ETV5: variants seen among roughly 807,000 people sequenced by gnomAD.
The protein encoded by ETV5 is ETS variant transcription factor 5, also known as ETS translocation variant 5.
ETV5 carries 10 observed loss-of-function variants against 70.0 expected under a neutral mutation model. The observed-to-expected ratio is 0.14, with a 90% CI of 0.09 to 0.24. The LOEUF is 0.24. Among genes scored for constraint, ETV5 ranks in the 10% least tolerant of loss-of-function variants. ETV5 has a pLI of 1.00. For missense variants in ETV5, 453 were observed against 651.2 expected, an observed-to-expected ratio of 0.70 and a Z score of 3.31; for synonymous variants, 216 against 242.2, an observed-to-expected ratio of 0.89 and a Z score of 1.01.
At chr3:186,098,593 TG>T (rs979632041) in intron 5 of ETV5, among the ~76,000 whole-genome samples, 12 of 151,514 alleles carry the variant, frequency 7.9e-5, no homozygotes, top group African/African-American at 2.9e-4. Context: ...GATCTAAGGT[TG>T]GAGGGTGAAA....
At chr3:186,108,617 T>C in intron 1 of ETV5, 2 of 1,181,526 alleles carry the variant, frequency 1.7e-6, no homozygotes, top group Non-Finnish European at 2.1e-6. Context: ...CCAGAGACTG[T>C]GAAAGCCTCG....
chr3:186,071,437 C>T (rs1435343697), intron 7 of ETV5, among the ~76,000 whole-genome samples: 1 of 152,208 alleles, frequency 6.6e-6, no homozygotes. Flanking sequence ...GAAGTCCAAC[C>T]TTTACCACTC....
At chr3:186,081,210 A>G (rs750410432) in intron 5 of ETV5, 35 bp from the exon 6 acceptor site, 1 of 1,586,810 alleles carries the variant, frequency 6.3e-7, no homozygotes, top group Non-Finnish European at 8.6e-7. Context: ...GGGAATAGAG[A>G]GAGAACAGCT....
At chr3:186,069,522 A>T (rs549159757) in intron 7 of ETV5, among the ~76,000 whole-genome samples, 117 of 149,978 alleles carry the variant, frequency 7.8e-4, no homozygotes, top group African/African-American at 2.8e-3. Flanking sequence ...TTTTTTTTTA[A>T]AAAAAGTCTA....
intron 7 of ETV5, among the ~76,000 whole-genome samples, chr3:186,074,367 G>T (rs1003223316): frequency 6.6e-6 from 1 of 152,086 alleles, no homozygotes; most frequent in Non-Finnish European, 1.5e-5. Context: ...AGGCCCAAAT[G>T]GTTGTTAGCA....
chr3:186,058,626 TA>T (rs1297600843), intron 9 of ETV5, among the ~76,000 whole-genome samples: 2 of 152,182 alleles, frequency 1.3e-5, no homozygotes, highest in Non-Finnish European at 1.5e-5. Flanking sequence ...GGTGAGCAAT[TA>T]TAATTCCATG....
At chr3:186,053,560 A>T (rs544394218) in intron 11 of ETV5, among the ~76,000 whole-genome samples, 1 of 152,338 alleles carries the variant, frequency 6.6e-6, no homozygotes, top group East Asian at 1.9e-4. Flanking sequence ...GCCAAAAATG[A>T]TCTGATAAGA....
In ETV5 at chr3:186,080,081, G is replaced by C. The variant is rs780967082; in HGVS notation, c.386C>G (p.Ser129Cys). ...NYCAYDRKPPSGFKPLTPPTT... is the reference protein window; with the variant it reads ...NYCAYDRKPPCGFKPLTPPTT... ...AGGAGGGGTTAATGGCTTGAACCCA[G>C]AGGGAGGCTTCCTATCATAGGCACT... Residue 129 changes from serine (S) to cysteine (C), a missense_variant, in exon 7 of 13, where the codon TCT becomes TGT. Ser to Cys is a moderately radical substitution (Grantham distance 112). Around this residue, in one of 4 missense-constraint regions of ETV5, gnomAD observed 307 missense variants for 344.9 expected, o/e 0.89. Coordinates refer to ENST00000306376, the MANE Select transcript of ETV5 (RefSeq NM_004454.3). The C allele has an allele frequency of 2.0e-6, 3 of 1,501,058 alleles. 1 individual carries two copies. The East Asian group carries it at 7.5e-5, about 37-fold the overall frequency. The allele number at this position is 1,501,058 out of a possible 1,614,324, so 93.0% of individuals were successfully genotyped here. A position where few individuals can be genotyped will look rare whatever the true frequency, so the allele number is the denominator to read the frequency against.
intron 5 of ETV5, among the ~76,000 whole-genome samples, chr3:186,102,611 T>C (rs748613831): frequency 4.0e-5 from 5 of 123,762 alleles, no homozygotes; most frequent in South Asian, 2.6e-4. Flanking sequence ...CACTCTGGCC[T>C]GGGTGACGAG....
chr3:186,073,687 T>G (rs1713701971), intron 7 of ETV5, among the ~76,000 whole-genome samples: 1 of 152,238 alleles, frequency 6.6e-6, no homozygotes, highest in East Asian at 1.9e-4. Context: ...TACTTGGAGC[T>G]GAATTTTTAA....
intron 5 of ETV5, among the ~76,000 whole-genome samples, chr3:186,091,569 C>T (rs913807119): frequency 1.3e-5 from 2 of 152,194 alleles, no homozygotes; most frequent in African/African-American, 2.4e-5. Flanking sequence ...GAACACTTGG[C>T]TTCAGGAATC....
At chr3:186,091,953 A>G (rs1204054310) in intron 5 of ETV5, among the ~76,000 whole-genome samples, 1 of 152,208 alleles carries the variant, frequency 6.6e-6, no homozygotes, top group African/African-American at 2.4e-5. Flanking sequence ...TGAGGGAAGG[A>G]GACACCTTTC....
intron 8 of ETV5, among the ~76,000 whole-genome samples, chr3:186,064,811 A>T (rs979800867): frequency 1.3e-5 from 2 of 152,252 alleles, no homozygotes; most frequent in East Asian, 3.8e-4. Flanking sequence ...TCAAAAGGCC[A>T]AGCCTGGCCT....
intron 7 of ETV5, among the ~76,000 whole-genome samples, chr3:186,077,456 A>G (rs1194731760): frequency 6.6e-6 from 1 of 152,228 alleles, no homozygotes; most frequent in African/African-American, 2.4e-5. Flanking sequence ...CAGTATCTAG[A>G]AGAAAAATCA....
intron 7 of ETV5, among the ~76,000 whole-genome samples, 154 bp downstream of exon 7, chr3:186,079,663 T>A (rs1713882741): frequency 6.6e-6 from 1 of 152,222 alleles, no homozygotes; most frequent in Admixed American, 6.5e-5. Flanking sequence ...AACAGTCATA[T>A]TCGTATTATC....
rs185460951 is a variant in ETV5 at position 186,084,837 on chromosome 3, G to C, written c.233-3662C>G. Among the ~76,000 whole-genome samples the C allele has an allele frequency of 2.9e-3, 436 of 152,240 alleles. 4 individuals carry two copies. The highest frequency in any genetic ancestry group is 9.7e-3 in the African/African-American group (401 of 41,536). ...TCACTTTGTACATTAAAAATAGAAGGCATAAACCTTTTTTTCAACTAAACA... is the reference window on the plus strand; with the variant it reads ...TCACTTTGTACATTAAAAATAGAAGCCATAAACCTTTTTTTCAACTAAACA... On this transcript the variant is annotated intron_variant, in intron 5 of 12. Transcript: ENST00000306376.
chr3:186,105,410 A>T lies in ETV5; in HGVS notation c.181+39T>A. 6.2e-7 allele frequency: 1 copy of T among 1,612,864 alleles called. No homozygotes were observed. The highest frequency in any genetic ancestry group is 8.5e-7 in the Non-Finnish European group (1 of 1,179,350). ...TAAGTTTTATTAAAAAGCACAGTAA[A>T]ATGTTTTATATGGAAAATAGGACAT... On this transcript the variant is annotated intron_variant, in intron 4 of 12. Transcript: ENST00000306376. This position sits in a 1 kb window ranked among gnomAD's most constrained non-coding sequence, Gnocchi z 4.5.
At chr3:186,072,582 C>T (rs976645834) in intron 7 of ETV5, among the ~76,000 whole-genome samples, 4 of 152,162 alleles carry the variant, frequency 2.6e-5, no homozygotes, top group Admixed American at 1.3e-4. Flanking sequence ...TGCGATATAA[C>T]GAAGAGCCAG....
intron 7 of ETV5, among the ~76,000 whole-genome samples, chr3:186,077,835 C>T (rs965670287): frequency 5.3e-5 from 8 of 152,186 alleles, no homozygotes; most frequent in African/African-American, 1.9e-4. Context: ...ATTCCTCCCC[C>T]TTCACCTCAA....
Sources: gnomAD v4.1 joint callset for allele counts (sites outside exome capture counted in the v4.1 genomes callset) on GRCh38, gnomAD v4.1.1 for gene constraint, gnomAD v4.1.1 regional missense constraint, Gnocchi (gnomAD v3.1) non-coding constraint, MANE v1.5 for transcripts, NCBI Gene and HGNC (gene_info 2026-07-23, HGNC 2026-07-21) for gene names.